The following GLIS3 variants were observed in gnomAD, a reference collection of about 807,000 sequenced individuals.
GLIS3 encodes the protein GLIS family zinc finger 3.
In GLIS3, 53 loss-of-function variants were observed where a neutral mutation model predicts 78.6. The ratio of observed to expected loss-of-function variants is 0.67; its 90% confidence interval spans 0.54 to 0.85. The LOEUF (loss-of-function observed/expected upper bound fraction) is 0.85. Among genes scored for constraint, GLIS3 ranks in the 40% least tolerant of loss-of-function variants. GLIS3 has a pLI of 0.00. For synonymous variants in GLIS3, 684 were observed against 509.9 expected (o/e 1.34, Z -4.60); for missense variants, 1,703 against 1,231.1 (o/e 1.38, Z -5.74).
intron 2 of GLIS3, among the ~76,000 whole-genome samples, chr9:4,233,044 T>C (rs1822412057): frequency 6.6e-6 from 1 of 152,202 alleles, no homozygotes; most frequent in Non-Finnish European, 1.5e-5. Flanking sequence ...AATGCTTATA[T>C]TAATAAGGAG....
chr9:3,908,373 G>T (rs1267896387), intron 6 of GLIS3, among the ~76,000 whole-genome samples: 1 of 152,194 alleles, frequency 6.6e-6, no homozygotes, highest in Non-Finnish European at 1.5e-5. Flanking sequence ...CCTGCAGGAA[G>T]GCTCATGGAC....
At chr9:3,914,044 G>T (rs1334433422) in intron 6 of GLIS3, among the ~76,000 whole-genome samples, 1 of 152,198 alleles carries the variant, frequency 6.6e-6, no homozygotes, top group Non-Finnish European at 1.5e-5. Context: ...GAATGGGGCA[G>T]TTTAAGTATG....
At chr9:4,389,355 T>A in the GLIS3 span, among the ~76,000 whole-genome samples, 1 of 152,186 alleles carries the variant, frequency 6.6e-6, no homozygotes, top group Non-Finnish European at 1.5e-5. Context: ...TGGATTTCCC[T>A]CCTATACAAT....
chr9:3,963,069 A>G (rs1217573305), intron 4 of GLIS3, among the ~76,000 whole-genome samples: 2 of 152,176 alleles, frequency 1.3e-5, no homozygotes, highest in Admixed American at 1.3e-4. Flanking sequence ...AAGGACACAC[A>G]TATAAAGGCA....
At chr9:4,416,023 A>G in the GLIS3 span, among the ~76,000 whole-genome samples, 1 of 150,438 alleles carries the variant, frequency 6.6e-6, no homozygotes, top group South Asian at 2.1e-4. Context: ...ATATAGATGT[A>G]TATATTTATA....
At chr9:4,226,932 T>C (rs1049634318) in intron 2 of GLIS3, among the ~76,000 whole-genome samples, 5 of 152,172 alleles carry the variant, frequency 3.3e-5, no homozygotes, top group African/African-American at 9.7e-5. Context: ...ATCAGAATTA[T>C]TCATGCTTAA....
At chr9:4,380,170 T>A in the GLIS3 span, among the ~76,000 whole-genome samples, 1 of 152,236 alleles carries the variant, frequency 6.6e-6, no homozygotes, top group Non-Finnish European at 1.5e-5. Flanking sequence ...GAATTATAAT[T>A]GGTTCATTAT....
chr9:4,430,780 C>T, the GLIS3 span, among the ~76,000 whole-genome samples: 1 of 152,150 alleles, frequency 6.6e-6, no homozygotes, highest in South Asian at 2.1e-4. Flanking sequence ...CAGATAAATG[C>T]TGTTAACTTA....
chr9:4,076,788 G>A (rs1218592350), intron 4 of GLIS3, among the ~76,000 whole-genome samples: 4 of 152,092 alleles, frequency 2.6e-5, no homozygotes, highest in African/African-American at 9.7e-5. Flanking sequence ...TGGGCACAGG[G>A]GCTCACACCT....
intron 2 of GLIS3, among the ~76,000 whole-genome samples, chr9:4,257,690 C>A (rs1825106021): frequency 6.6e-6 from 1 of 151,892 alleles, no homozygotes; most frequent in African/African-American, 2.4e-5. Context: ...TCCCCTGCCT[C>A]AGCCTCCCAA....
At position 3,826,763 on chromosome 9, in the gene GLIS3, G is replaced by A. The variant is rs1212687619; in HGVS notation, c.*1509C>T. ...TGTTTTAGTTGTCTTGTTGAAGATT[G>A]TAATGATCTCAGTTTGATAAATGGC... On this transcript the variant is annotated 3_prime_UTR_variant, in exon 11 of 11. Transcript: ENST00000381971. The A allele has an allele frequency of 6.6e-6, 1 of 152,192 alleles. No homozygotes were observed. Among genetic ancestry groups the A allele is most frequent in the African/African-American group, 2.4e-5 (1 of 41,446 alleles). The allele number at this position is 152,192 out of a possible 1,614,324, so 9.4% of individuals were successfully genotyped here. A position where few individuals can be genotyped will look rare whatever the true frequency, so the allele number is the denominator to read the frequency against.
At chr9:4,424,532 A>C in the GLIS3 span, among the ~76,000 whole-genome samples, 1 of 152,132 alleles carries the variant, frequency 6.6e-6, no homozygotes, top group Non-Finnish European at 1.5e-5. Context: ...TTCACTGGGA[A>C]ACTGTAGCAG....
chr9:4,437,476 C>A, the GLIS3 span, among the ~76,000 whole-genome samples: 1 of 150,708 alleles, frequency 6.6e-6, no homozygotes, highest in Admixed American at 6.6e-5. Flanking sequence ...ATCTATATAT[C>A]ATTTAATCCT....
intron 9 of GLIS3, among the ~76,000 whole-genome samples, chr9:3,831,753 G>T (rs1339257170): frequency 2.0e-5 from 3 of 151,940 alleles, no homozygotes; most frequent in Admixed American, 6.6e-5. Flanking sequence ...AGCAAACAGT[G>T]GTACATTTAT....
At chr9:3,849,826 T>C (rs1819307513) in intron 9 of GLIS3, among the ~76,000 whole-genome samples, 1 of 151,746 alleles carries the variant, frequency 6.6e-6, no homozygotes, top group Non-Finnish European at 1.5e-5. Flanking sequence ...GGAGAATAGC[T>C]GGAACCCAGG....
intron 4 of GLIS3, among the ~76,000 whole-genome samples, chr9:3,960,819 A>G (rs775578886): frequency 9.9e-5 from 15 of 152,206 alleles, no homozygotes; most frequent in Non-Finnish European, 2.2e-4. Context: ...AGTTTTTCAT[A>G]TGAACATAGT....
chr9:4,133,874 A>ACACACACACACCCC (rs768664577), intron 2 of GLIS3, among the ~76,000 whole-genome samples: 9 of 123,916 alleles, frequency 7.3e-5, no homozygotes, highest in African/African-American at 1.9e-4. Context: ...ACACACACAC[A>ACACACACACACCCC]CCGTACATCT....
At chr9:4,157,629 C>T (rs898202857) in intron 2 of GLIS3, among the ~76,000 whole-genome samples, 1 of 152,144 alleles carries the variant, frequency 6.6e-6, no homozygotes, top group Non-Finnish European at 1.5e-5. Context: ...AACCTATAAA[C>T]CCTCAGTGCT....
the GLIS3 span, among the ~76,000 whole-genome samples, chr9:4,481,031 T>C: frequency 2.6e-5 from 4 of 152,120 alleles, no homozygotes; most frequent in East Asian, 7.8e-4. Flanking sequence ...ATTTTTTGTA[T>C]TTTTTGTAGA....
Sources: gnomAD v4.1 joint callset for allele counts (sites outside exome capture counted in the v4.1 genomes callset) on GRCh38, gnomAD v4.1.1 for gene constraint, MANE v1.5 for transcripts, NCBI Gene and HGNC (gene_info 2026-07-23, HGNC 2026-07-21) for gene names.